The following DENND2B variants were observed in gnomAD, a reference collection of about 807,000 sequenced individuals.
DENND2B encodes DENN domain containing 2B.
Under a neutral mutation model 116.0 loss-of-function variants are expected in DENND2B, and 32 were observed. The ratio of observed to expected loss-of-function variants is 0.28; its 90% CI spans 0.21 to 0.37. DENND2B has a LOEUF of 0.37. Ranked by LOEUF, DENND2B falls within the 10% of genes least tolerant of loss-of-function variation. DENND2B has a pLI of 1.00. For missense variants in DENND2B, 1,276 were observed against 1,477.7 expected (o/e 0.86, Z 2.24); for synonymous variants, 588 against 583.9 (o/e 1.01, Z -0.10).
chr11:8,861,418 A>C (rs2063385969), intron 2 of DENND2B, among the ~76,000 whole-genome samples: 1 of 152,228 alleles, frequency 6.6e-6, no homozygotes, highest in South Asian at 2.1e-4. Flanking sequence ...GCCACGAAAT[A>C]TATGAAAAAA....
chr11:8,772,586 T>A (rs187751782), intron 1 of DENND2B, among the ~76,000 whole-genome samples: 1 of 152,030 alleles, frequency 6.6e-6, no homozygotes, highest in Non-Finnish European at 1.5e-5. Context: ...ATCATACTAA[T>A]AGTAGAGTGA....
At chr11:8,888,821 C>T (rs986761913) in intron 1 of DENND2B, among the ~76,000 whole-genome samples, 2 of 152,136 alleles carry the variant, frequency 1.3e-5, no homozygotes, top group Non-Finnish European at 2.9e-5. Flanking sequence ...AAAAGATGCT[C>T]AACATCACTA....
At chr11:8,880,273 A>G (rs926331928) in intron 2 of DENND2B, among the ~76,000 whole-genome samples, 1 of 151,872 alleles carries the variant, frequency 6.6e-6, no homozygotes, top group African/African-American at 2.4e-5. Flanking sequence ...ACTAATCAAG[A>G]CTTGAAGAGC....
intron 4 of DENND2B, among the ~76,000 whole-genome samples, chr11:8,833,519 C>G (rs1299105604): frequency 6.6e-6 from 1 of 152,034 alleles, no homozygotes; most frequent in Non-Finnish European, 1.5e-5. Context: ...AGCATTAATA[C>G]AAAATACACA....
At chr11:8,758,181 G>A (rs1412438568) in intron 1 of DENND2B, among the ~76,000 whole-genome samples, 1 of 152,200 alleles carries the variant, frequency 6.6e-6, no homozygotes, top group African/African-American at 2.4e-5. Context: ...CCCACAGCAT[G>A]TTCTCTAGGG....
intron 1 of DENND2B, among the ~76,000 whole-genome samples, chr11:8,774,877 A>ATTTTTTTTTTTTTTTTTTTTTT (rs1565919434): frequency 1.4e-5 from 2 of 143,734 alleles, no homozygotes; most frequent in Admixed American, 6.9e-5. Context: ...TTTTTTTTTA[A>ATTTTTTTTTTTTTTTTTTTTTT]TTATTATTTT....
intron 1 of DENND2B, among the ~76,000 whole-genome samples, chr11:8,779,807 G>A (rs1325123215): frequency 2.0e-5 from 3 of 152,160 alleles, no homozygotes; most frequent in East Asian, 1.9e-4. Context: ...GAGCCACCAC[G>A]CCCGGCCAAG....
chr11:8,771,566 A>AGAGAGAGAGAGGGC (rs146752028), intron 1 of DENND2B: 3 of 120,310 alleles, frequency 2.5e-5, no homozygotes, highest in Non-Finnish European at 5.4e-5. Context: ...AGAGAGAGAG[A>AGAGAGAGAGAGGGC]GCCTTCTTCC....
intron 4 of DENND2B, among the ~76,000 whole-genome samples, chr11:8,826,116 G>T (rs1220268194): frequency 6.6e-6 from 1 of 152,148 alleles, no homozygotes; most frequent in East Asian, 1.9e-4. Flanking sequence ...GAAAACTACC[G>T]CTTTTATCCC....
chr11:8,825,975 G>C (rs1309632674), intron 4 of DENND2B, among the ~76,000 whole-genome samples: 2 of 152,148 alleles, frequency 1.3e-5, no homozygotes, highest in East Asian at 3.8e-4. Context: ...GGTAAATGGA[G>C]TCTTGAATAA....
intron 1 of DENND2B, among the ~76,000 whole-genome samples, chr11:8,900,831 T>C (rs535255636): frequency 1.3e-5 from 2 of 151,836 alleles, no homozygotes; most frequent in South Asian, 4.2e-4. Flanking sequence ...TAGCCAGGCA[T>C]AGTGGTGGGC....
intron 13 of DENND2B, among the ~76,000 whole-genome samples, chr11:8,704,921 C>T (rs184535353): frequency 6.4e-4 from 97 of 151,964 alleles, no homozygotes; most frequent in Non-Finnish European, 4.7e-4. Flanking sequence ...AGGCTGGTCT[C>T]GAACTCCTGA....
chr11:8,792,223 AAAG>A (rs2059446188), intron 1 of DENND2B, among the ~76,000 whole-genome samples: 1 of 152,228 alleles, frequency 6.6e-6, no homozygotes, highest in South Asian at 2.1e-4. Flanking sequence ...ACACACAAAT[AAAG>A]AAAATTTAGT....
intron 11 of DENND2B, chr11:8,708,101 C>G: frequency 1.4e-6 from 2 of 1,426,628 alleles, no homozygotes; most frequent in Non-Finnish European, 1.8e-6. Flanking sequence ...TCCACACAGG[C>G]TCCACCCTTC....
Position 8,702,097 on chromosome 11 carries a change from T to TC in DENND2B, c.2720+474dup, listed in dbSNP as rs1421102146. 6.6e-6 allele frequency among the ~76,000 whole-genome samples: 1 copy of TC among 151,984 alleles called. No individual in the cohort carries two copies. The highest frequency in any genetic ancestry group is 2.4e-5 in the African/African-American group (1 of 41,348). ...CAGTTGCCTTCTCCAGGGGACACCC[T>TC]CCACAGGACCCTCGCTGGCTGGCTC... On this transcript the variant is annotated intron_variant, in intron 14 of 19. Coordinates refer to ENST00000313726, the MANE Select transcript of DENND2B (RefSeq NM_213618.2). This position sits in a 1 kb window ranked among gnomAD's most constrained non-coding sequence, Gnocchi z 4.6.
intron 3 of DENND2B, among the ~76,000 whole-genome samples, chr11:8,847,168 A>C (rs938622156): frequency 6.6e-6 from 1 of 152,242 alleles, no homozygotes; most frequent in African/African-American, 2.4e-5. Flanking sequence ...TGTAGCACCA[A>C]TGAGCCAGCT....
chr11:8,835,111 G>A (rs567664882), intron 4 of DENND2B, among the ~76,000 whole-genome samples: 15 of 152,134 alleles, frequency 9.9e-5, no homozygotes, highest in Non-Finnish European at 1.8e-4. Context: ...GGGCATGGCG[G>A]TGTGTGCCTG....
intron 4 of DENND2B, among the ~76,000 whole-genome samples, chr11:8,818,512 T>C (rs1189919225): frequency 6.6e-6 from 1 of 152,076 alleles, no homozygotes. Context: ...GGCAAGGCTG[T>C]AGGAAGTGTG....
Position 8,712,591 on chromosome 11 carries a change from C to T in DENND2B, c.2132G>A (p.Arg711Gln), listed in dbSNP as rs892334088. Residue 711 changes from arginine to glutamine, a missense_variant, in exon 9 of 20, where the codon CGA becomes CAA. By Grantham distance (43) the Arg-to-Gln change is conservative. Around this residue, in one of 2 missense-constraint regions of DENND2B, gnomAD observed 420 missense variants for 631.1 expected, o/e 0.67. Transcript: ENST00000313726. The surrounding 1 kb of genome is among the most constrained non-coding windows in gnomAD (Gnocchi z 4.4). ...GGAGACTTCGGGGAGGTAGGTGTTT[C>T]GCGATGGCTTCTTCTTGAGGGACAC... is the stretch of plus-strand genomic sequence containing the variant. The part of the protein sequence containing the change: ...VVVSLKKKPS[R>Q]NTYLPEVSYQ... 12 of 1,556,400 alleles carry T rather than the reference C, an allele frequency of 7.7e-6. No individual in the cohort carries two copies. Among genetic ancestry groups the T allele is most frequent in the African/African-American group, 1.4e-5 (1 of 73,476 alleles).
Sources: allele counts gnomAD v4.1 joint callset (sites outside exome capture counted in the v4.1 genomes callset), GRCh38; gene constraint gnomAD v4.1.1; regional missense constraint gnomAD v4.1.1; non-coding constraint Gnocchi (gnomAD v3.1); transcripts MANE v1.5; gene names NCBI Gene and HGNC (gene_info 2026-07-23, HGNC 2026-07-21).